The following TAFA1 variants were observed in gnomAD, a reference collection of about 807,000 sequenced individuals.
TAFA1 encodes the protein chemokine-like protein TAFA-1.
TAFA1 carries 4 observed loss-of-function variants against 18.5 expected under a neutral mutation model. The observed-to-expected ratio is 0.22, with a 90% CI of 0.11 to 0.49. The LOEUF (loss-of-function observed/expected upper bound fraction) is 0.49. Ranked by LOEUF, TAFA1 falls within the 20% of genes least tolerant of loss-of-function variation. The pLI, the probability that TAFA1 is intolerant of heterozygous loss-of-function variation, is 0.98. For synonymous variants in TAFA1, 56 were observed against 55.2 expected (o/e 1.01, Z -0.06); for missense variants, 147 against 169.0 (o/e 0.87, Z 0.72).
Position 68,349,600 on chromosome 3 carries a change from C to G in TAFA1, c.119-67680C>G, listed in dbSNP as rs2069228260. On this transcript the variant is annotated intron_variant, in intron 2 of 4. Transcript: ENST00000478136. ...AGTCAAGATAAGCAGCAAGTTGTAC[C>G]TGGAAAGAGCCAGATAGTAACTATT... Among the ~76,000 whole-genome samples, 3 of 152,024 alleles carry G rather than the reference C, an allele frequency of 2.0e-5. No homozygotes were observed. In the South Asian group the frequency reaches 6.2e-4, roughly 32 times the overall value.
intron 2 of TAFA1, among the ~76,000 whole-genome samples, chr3:68,344,443 G>T (rs2069133504): frequency 1.3e-5 from 2 of 152,176 alleles, no homozygotes; most frequent in Non-Finnish European, 2.9e-5. Context: ...TGCTATGTAT[G>T]TTGAATGATG....
intron 3 of TAFA1, among the ~76,000 whole-genome samples, chr3:68,454,560 G>A (rs1193135935): frequency 1.3e-5 from 2 of 152,144 alleles, no homozygotes; most frequent in African/African-American, 2.4e-5. Flanking sequence ...AAGAAGGGTT[G>A]GAAATCTTGA....
intron 2 of TAFA1, among the ~76,000 whole-genome samples, chr3:68,042,210 A>G (rs1476040111): frequency 3.3e-5 from 5 of 151,430 alleles, no homozygotes; most frequent in Non-Finnish European, 7.4e-5. Flanking sequence ...GTATTTATAG[A>G]CATAACTTTA....
At chr3:68,487,294 C>A (rs2072361782) in intron 3 of TAFA1, among the ~76,000 whole-genome samples, 1 of 152,068 alleles carries the variant, frequency 6.6e-6, no homozygotes, top group Non-Finnish European at 1.5e-5. Context: ...CTGTAAATTT[C>A]TTTTATTATT....
At position 68,277,855 on chromosome 3, in the gene TAFA1, G is replaced by A. The variant is rs765270928; in HGVS notation, c.119-139425G>A. 4.6e-5 allele frequency among the ~76,000 whole-genome samples: 7 copies of A among 152,196 alleles called. No individual in the cohort carries two copies. The East Asian group carries it at 1.2e-3, about 25-fold the overall frequency. Reference sequence around the variant, plus strand: ...ATTTTCCTCTACTCAACAATATATCGTGACAACTTTTCAGGTCAATACATT... The same window carrying A: ...ATTTTCCTCTACTCAACAATATATCATGACAACTTTTCAGGTCAATACATT... On this transcript the variant is annotated intron_variant, in intron 2 of 4. Coordinates refer to ENST00000478136, the MANE Select transcript of TAFA1 (RefSeq NM_213609.4).
chr3:68,063,183 A>G (rs980283802), intron 2 of TAFA1, among the ~76,000 whole-genome samples: 4 of 152,224 alleles, frequency 2.6e-5, no homozygotes, highest in African/African-American at 9.6e-5. Flanking sequence ...GCAAATTCAC[A>G]TTAAAAAGGA....
intron 2 of TAFA1, among the ~76,000 whole-genome samples, chr3:68,124,968 G>A (rs2065446316): frequency 6.6e-6 from 1 of 152,232 alleles, no homozygotes; most frequent in Non-Finnish European, 1.5e-5. Flanking sequence ...TGGAATAGAA[G>A]CAAACAAAAT....
chr3:68,288,505 C>G (rs2068055450), intron 2 of TAFA1, among the ~76,000 whole-genome samples: 2 of 152,162 alleles, frequency 1.3e-5, no homozygotes, highest in African/African-American at 4.8e-5. Flanking sequence ...AGCTGTTTGT[C>G]AAGCAAGGCT....
intron 2 of TAFA1, among the ~76,000 whole-genome samples, chr3:68,075,005 T>C (rs77762298): frequency 0.033 from 5,023 of 152,212 alleles, 302 homozygotes; most frequent in African/African-American, 0.11. Context: ...GTGACAAAAG[T>C]GTACCTTTGG....
At chr3:68,145,387 C>T (rs1369042322) in intron 2 of TAFA1, 5 of 836,212 alleles carry the variant, frequency 6.0e-6, no homozygotes, top group Admixed American at 1.7e-5. Flanking sequence ...ATACTTCAAT[C>T]ATCACTGATG....
intron 2 of TAFA1, among the ~76,000 whole-genome samples, chr3:68,405,324 CAT>C (rs912268361): frequency 6.6e-6 from 1 of 151,794 alleles, no homozygotes; most frequent in Non-Finnish European, 1.5e-5. Flanking sequence ...TATAAAGAAA[CAT>C]AGAACAAAAA....
At chr3:68,031,820 T>C (rs1371478438) in intron 2 of TAFA1, among the ~76,000 whole-genome samples, 1 of 152,182 alleles carries the variant, frequency 6.6e-6, no homozygotes, top group Non-Finnish European at 1.5e-5. Flanking sequence ...TTCTATTATT[T>C]TTTCCGTGGC....
chr3:68,273,873 T>G (rs991679866), intron 2 of TAFA1, among the ~76,000 whole-genome samples: 16 of 152,156 alleles, frequency 1.1e-4, no homozygotes, highest in African/African-American at 3.1e-4. Flanking sequence ...GTCCGTAACA[T>G]GAGCAGGTAC....
chr3:68,359,839 G>A (rs548985165), intron 2 of TAFA1, among the ~76,000 whole-genome samples: 1 of 151,836 alleles, frequency 6.6e-6, no homozygotes, highest in Non-Finnish European at 1.5e-5. Context: ...TCCATTAGAC[G>A]AACCACTTTT....
At position 68,121,954 on chromosome 3, in the gene TAFA1, C is replaced by T. The variant is rs115327641; in HGVS notation, c.118+115210C>T. ...GGTATTTTGCATTCATTAATAATGC[C>T]AACTAATGTTTATAGAACACTCAAT... On this transcript the variant is annotated intron_variant, in intron 2 of 4. Coordinates refer to ENST00000478136, the MANE Select transcript of TAFA1 (RefSeq NM_213609.4). 5.1e-3 allele frequency among the ~76,000 whole-genome samples: 783 copies of T among 152,124 alleles called. 5 individuals carry two copies. Among genetic ancestry groups the T allele is most frequent in the African/African-American group, 0.018 (739 of 41,512 alleles).
At chr3:68,052,864 G>C (rs1414660862) in intron 2 of TAFA1, among the ~76,000 whole-genome samples, 1 of 152,106 alleles carries the variant, frequency 6.6e-6, no homozygotes, top group Non-Finnish European at 1.5e-5. Flanking sequence ...AATTAATAAG[G>C]GGAACAGGAA....
In TAFA1 at chr3:68,536,728, T is replaced by C. The variant is rs78229129; in HGVS notation, c.260-2028T>C. Among the ~76,000 whole-genome samples the C allele has an allele frequency of 6.2e-3, 943 of 152,322 alleles. 10 individuals are homozygous for C. The highest frequency in any genetic ancestry group is 0.022 in the African/African-American group (906 of 41,562). ...TATAAAATTTTGTTATCAGAAAATG[T>C]GTGCTGTAAATATTTAGTACATACA... On this transcript the variant is annotated intron_variant, in intron 3 of 4. Coordinates refer to ENST00000478136, the MANE Select transcript of TAFA1 (RefSeq NM_213609.4).
At chr3:68,520,220 C>CAA (rs2072999104) in intron 3 of TAFA1, among the ~76,000 whole-genome samples, 2 of 152,184 alleles carry the variant, frequency 1.3e-5, no homozygotes, top group African/African-American at 4.8e-5. Flanking sequence ...GACCTGTCTT[C>CAA]TCCACAAATT....
chr3:68,307,225 A>C (rs2068437876), intron 2 of TAFA1, among the ~76,000 whole-genome samples: 2 of 152,250 alleles, frequency 1.3e-5, no homozygotes, highest in Non-Finnish European at 2.9e-5. Context: ...TAATACAATG[A>C]TGAAAAAAGT....
Sources: allele counts gnomAD v4.1 joint callset (sites outside exome capture counted in the v4.1 genomes callset), GRCh38; gene constraint gnomAD v4.1.1; transcripts MANE v1.5; gene names NCBI Gene and HGNC (gene_info 2026-07-23, HGNC 2026-07-21).